Variants in IGFBP2 observed in about 807,000 individuals in gnomAD.
The protein encoded by IGFBP2 is insulin like growth factor binding protein 2.
In IGFBP2, 12 loss-of-function variants were observed where a neutral mutation model predicts 26.2. That is an observed-to-expected ratio of 0.46 (90% CI 0.29 to 0.74). The LOEUF (loss-of-function observed/expected upper bound fraction) is 0.74. Ranked by LOEUF, IGFBP2 falls within the 30% of genes least tolerant of loss-of-function variation. IGFBP2 has a pLI of 0.09. For synonymous variants in IGFBP2, 189 were observed against 200.6 expected (o/e 0.94, Z 0.49); for missense variants, 328 against 441.2 (o/e 0.74, Z 2.30).
chr2:216,656,670 C>A (rs2106203379), intron 1 of IGFBP2, among the ~76,000 whole-genome samples: 1 of 152,164 alleles, frequency 6.6e-6, no homozygotes, highest in African/African-American at 2.4e-5. Flanking sequence ...GGCTCCTTCC[C>A]AGAAGCTCAT....
At chr2:216,656,018 A>G (rs554184448) in intron 1 of IGFBP2, among the ~76,000 whole-genome samples, 1 of 152,224 alleles carries the variant, frequency 6.6e-6, no homozygotes, top group East Asian at 1.9e-4. Flanking sequence ...TGATGTTAAT[A>G]GAAATAAAAA....
intron 1 of IGFBP2, among the ~76,000 whole-genome samples, chr2:216,636,912 C>G (rs1390210422): frequency 5.1e-5 from 1 of 19,470 alleles, no homozygotes; most frequent in East Asian, 1.1e-3. Flanking sequence ...GGCGGGCAGA[C>G]AGGCAGGCAG....
intron 1 of IGFBP2, among the ~76,000 whole-genome samples, chr2:216,637,205 C>A (rs1291331334): frequency 1.3e-5 from 2 of 152,166 alleles, no homozygotes; most frequent in African/African-American, 4.8e-5. Context: ...ACCTCCCCTC[C>A]CCCCATCTGG....
At chr2:216,657,169 C>T (rs1333961452) in intron 1 of IGFBP2, among the ~76,000 whole-genome samples, 1 of 152,114 alleles carries the variant, frequency 6.6e-6, no homozygotes, top group Non-Finnish European at 1.5e-5. Context: ...TGCTCTCCTC[C>T]TGTGTTTTTG....
At chr2:216,650,569 G>A (rs1304351586) in intron 1 of IGFBP2, among the ~76,000 whole-genome samples, 1 of 152,246 alleles carries the variant, frequency 6.6e-6, no homozygotes, top group African/African-American at 2.4e-5. Flanking sequence ...TGGAAGGGCA[G>A]TAGCCTGTGC....
At chr2:216,659,563 G>A (rs1388880374) in intron 1 of IGFBP2, 15 of 648,556 alleles carry the variant, frequency 2.3e-5, no homozygotes, top group South Asian at 3.4e-5. Flanking sequence ...CAGCTCTGCC[G>A]TGCGATTCAG....
rs1697862524 is a variant in IGFBP2, at chr2:216,653,348, G to T, written c.443-7209G>T. Among the ~76,000 whole-genome samples the T allele has an allele frequency of 3.9e-5, 6 of 152,206 alleles. No individual in the cohort carries two copies. The South Asian group carries it at 1.2e-3, about 32-fold the overall frequency. ...TGATTTGTTGAGTAAGATCATTGATGCAACAAACAGGATTACATTGGAAAA... is the reference window on the plus strand; with the variant it reads ...TGATTTGTTGAGTAAGATCATTGATTCAACAAACAGGATTACATTGGAAAA... On this transcript the variant is annotated intron_variant, in intron 1 of 3. Coordinates refer to ENST00000233809, the MANE Select transcript of IGFBP2 (RefSeq NM_000597.3).
At chr2:216,654,545 A>G (rs553916864) in intron 1 of IGFBP2, among the ~76,000 whole-genome samples, 16 of 152,320 alleles carry the variant, frequency 1.1e-4, no homozygotes, top group African/African-American at 2.9e-4. Context: ...CAAGGAATGC[A>G]GGCTTTTCTC....
chr2:216,654,703 T>C (rs894236092), intron 1 of IGFBP2, among the ~76,000 whole-genome samples: 2 of 152,208 alleles, frequency 1.3e-5, no homozygotes, highest in Admixed American at 6.5e-5. Context: ...TGATGCATGG[T>C]CTTGTTAAAC....
At chr2:216,660,939 G>A (rs1481170923) in intron 2 of IGFBP2, 153 bp downstream of exon 2, 1 of 632,074 alleles carries the variant, frequency 1.6e-6, no homozygotes, top group Non-Finnish European at 2.8e-6. Flanking sequence ...CATAGTTAGT[G>A]ACCTTTGGGG....
rs372554534 is a variant in IGFBP2, at chr2:216,660,983, CAT to C, written c.672+198_672+199del. 122 of 590,938 alleles carry C rather than the reference CAT, an allele frequency of 2.1e-4. 1 individual carries two copies. The highest frequency in any genetic ancestry group is 1.9e-3 in the African/African-American group (101 of 53,884). The allele number at this position is 590,938 out of a possible 1,614,324, so 36.6% of individuals were successfully genotyped here. A position where few individuals can be genotyped will look rare whatever the true frequency, so the allele number is the denominator to read the frequency against. ...ATCTCTGGCTGTGAAATAGACTGGA[CAT>C]GTGGTTTCTTGATGTTCTTTCCTTC... On this transcript the variant is annotated intron_variant, in intron 2 of 3. Transcript: ENST00000233809.
chr2:216,638,718 G>A (rs1042688921), intron 1 of IGFBP2, among the ~76,000 whole-genome samples: 1 of 141,634 alleles, frequency 7.1e-6, no homozygotes, highest in Non-Finnish European at 1.5e-5. Flanking sequence ...TTTTTTTTTT[G>A]AGACGGAGAC....
chr2:216,639,601 T>C (rs569005550), intron 1 of IGFBP2, among the ~76,000 whole-genome samples: 1 of 152,174 alleles, frequency 6.6e-6, no homozygotes, highest in East Asian at 1.9e-4. Flanking sequence ...ACAAAGAGTC[T>C]GTGTATCTGG....
chr2:216,654,838 C>T (rs1392794452), intron 1 of IGFBP2, among the ~76,000 whole-genome samples: 1 of 152,126 alleles, frequency 6.6e-6, no homozygotes, highest in Non-Finnish European at 1.5e-5. Context: ...ATCCAGGTGG[C>T]CTCTGTGAGG....
intron 1 of IGFBP2, among the ~76,000 whole-genome samples, chr2:216,634,945 C>G (rs2106185620): frequency 7.2e-6 from 1 of 139,182 alleles, no homozygotes; most frequent in South Asian, 2.3e-4. Flanking sequence ...CGGGAGGAAG[C>G]TGTAATTATT....
chr2:216,657,774 G>A (rs535203805), intron 1 of IGFBP2, among the ~76,000 whole-genome samples: 41 of 152,254 alleles, frequency 2.7e-4, no homozygotes, highest in African/African-American at 9.9e-4. Context: ...CTGGGCTGCC[G>A]GGCTGCTGGA....
intron 1 of IGFBP2, among the ~76,000 whole-genome samples, chr2:216,641,904 A>G (rs1327868354): frequency 6.6e-6 from 1 of 150,804 alleles, no homozygotes; most frequent in African/African-American, 2.4e-5. Context: ...GTTAGCCAGG[A>G]TGGTCTCGAT....
In IGFBP2 at chr2:216,633,959, G is replaced by C. The variant is rs751096581; in HGVS notation, c.436G>C (p.Val146Leu). ...CGAGTATGGCGCCAGCCCGGAGCAG[G>C]TTGCAGGTAACGCGGTCTGGAACAA... ...DAEYGASPEQ[V>L]ADNGDDHSEG... The change falls in exon 1 of 4, where the codon GTT (valine) becomes CTT (leucine). Residue 146 changes from valine (V) to leucine (L), a missense_variant. Transcript: ENST00000233809. The C allele has an allele frequency of 1.2e-6, 2 of 1,600,494 alleles. No homozygotes were observed. The highest frequency in any genetic ancestry group is 2.3e-5 in the South Asian group (2 of 88,726).
chr2:216,662,491 G>A (rs1256879350), intron 3 of IGFBP2: 2 of 162,986 alleles, frequency 1.2e-5, no homozygotes, highest in African/African-American at 4.8e-5. Context: ...AGGGAATGAA[G>A]AGTCAGGCAT....
Sources: gnomAD v4.1 joint callset for allele counts (sites outside exome capture counted in the v4.1 genomes callset) on GRCh38, gnomAD v4.1.1 for gene constraint, MANE v1.5 for transcripts, NCBI Gene and HGNC (gene_info 2026-07-23, HGNC 2026-07-21) for gene names.